The following DAPK2 variants were observed in gnomAD, a reference collection of about 807,000 sequenced individuals.
The protein encoded by DAPK2 is death associated protein kinase 2.
Under a neutral mutation model 44.1 loss-of-function variants are expected in DAPK2, and 35 were observed. That is an observed-to-expected ratio of 0.79 (90% CI 0.61 to 1.05). The LOEUF is 1.05. Among genes scored for constraint, DAPK2 ranks in the 50% least tolerant of loss-of-function variants. The pLI, the probability that DAPK2 is intolerant of heterozygous loss-of-function variation, is 0.00. For missense variants in DAPK2, 453 were observed against 483.2 expected, an observed-to-expected ratio of 0.94 and a Z score of 0.59; for synonymous variants, 174 against 182.6, an observed-to-expected ratio of 0.95 and a Z score of 0.38.
intron 4 of DAPK2, among the ~76,000 whole-genome samples, chr15:63,937,766 C>G (rs1472199748): frequency 6.6e-6 from 1 of 152,176 alleles, no homozygotes; most frequent in Non-Finnish European, 1.5e-5. Context: ...CCTTATTGCT[C>G]TCAGTTTCTA....
At chr15:63,943,133 A>G (rs1595767382) in intron 3 of DAPK2, among the ~76,000 whole-genome samples, 1 of 152,044 alleles carries the variant, frequency 6.6e-6, no homozygotes, top group South Asian at 2.1e-4. Flanking sequence ...AAAAGAAGAA[A>G]CCAAGACTAG....
chr15:64,022,748 G>C (rs894921488), intron 1 of DAPK2, among the ~76,000 whole-genome samples: 4 of 152,176 alleles, frequency 2.6e-5, no homozygotes, highest in African/African-American at 9.7e-5. Flanking sequence ...GCGCCCAGGA[G>C]GCAGAGGTTG....
At chr15:63,922,138 G>T in intron 8 of DAPK2, 2 of 248,932 alleles carry the variant, frequency 8.0e-6, no homozygotes, top group Non-Finnish European at 1.3e-5. Flanking sequence ...TCAGTTACAT[G>T]TAAATAATAA....
intron 1 of DAPK2, among the ~76,000 whole-genome samples, chr15:64,019,108 C>A (rs1175827492): frequency 6.6e-6 from 1 of 152,202 alleles, no homozygotes; most frequent in East Asian, 1.9e-4. Flanking sequence ...CCCAACATTC[C>A]AAATCCTGAA....
intron 5 of DAPK2, 142 bp downstream of exon 6, chr15:63,930,265 T>C: frequency 2.3e-6 from 2 of 855,944 alleles, no homozygotes; most frequent in Admixed American, 2.0e-5. Context: ...GTCTAACACA[T>C]CGGGGGAGCA....
chr15:64,034,768 C>T (rs1465479747), intron 1 of DAPK2, among the ~76,000 whole-genome samples: 1 of 152,228 alleles, frequency 6.6e-6, no homozygotes, highest in Non-Finnish European at 1.5e-5. Context: ...CCTCCCCTCT[C>T]TGGGCCTCAC....
Position 63,939,386 on chromosome 15 carries a change from A to G in DAPK2, c.454-25T>C. ...GCTGGACAACAAAAAGTAGAAAAAA[A>G]AAAAAGGAAGGAAGAAAAGAAAAAA... On this transcript the variant is annotated intron_variant, in intron 3 of 10. Transcript: ENST00000261891. The surrounding 1 kb of genome is among the most constrained non-coding windows in gnomAD (Gnocchi z 4.3). The G allele has an allele frequency of 6.4e-7, 1 of 1,566,390 alleles. No individual in the cohort carries two copies.
chr15:63,939,190 T>G lies in DAPK2; in HGVS notation c.583+42A>C, dbSNP rs756661231. On this transcript the variant is annotated intron_variant, in intron 4 of 10. Coordinates refer to ENST00000261891, the Ensembl canonical transcript of DAPK2. The surrounding 1 kb of genome is among the most constrained non-coding windows in gnomAD (Gnocchi z 4.3). ...TTCTTCCCAGGATCCCTACCTTTGA[T>G]GCCAGATTCTTAGCTGAAAGACAAA... is the stretch of plus-strand genomic sequence containing the variant. The G allele has an allele frequency of 6.2e-7, 1 of 1,609,558 alleles. No homozygotes were observed. Among genetic ancestry groups the G allele is most frequent in the South Asian group, 1.1e-5 (1 of 90,808 alleles).
intron 3 of DAPK2, among the ~76,000 whole-genome samples, chr15:63,964,928 T>G (rs1459793114): frequency 6.6e-6 from 1 of 152,238 alleles, no homozygotes; most frequent in Non-Finnish European, 1.5e-5. Context: ...CATGTCTCTG[T>G]CTCTCCAGGA....
intron 10 of DAPK2, chr15:63,911,562 T>C: frequency 3.3e-6 from 1 of 305,328 alleles, no homozygotes; most frequent in East Asian, 6.1e-5. Context: ...AATGTAAAGC[T>C]CCCATTCTAA....
chr15:63,960,920 T>C (rs1280092253), intron 3 of DAPK2, among the ~76,000 whole-genome samples: 1 of 152,212 alleles, frequency 6.6e-6, no homozygotes, highest in Non-Finnish European at 1.5e-5. Flanking sequence ...TTCTGTCTTG[T>C]TGATCTGTCT....
intron 1 of DAPK2, among the ~76,000 whole-genome samples, chr15:64,012,903 C>A (rs1264378870): frequency 6.6e-6 from 1 of 152,138 alleles, no homozygotes; most frequent in Non-Finnish European, 1.5e-5. Flanking sequence ...CTATCTGGGG[C>A]ACTGCATAGC....
chr15:64,016,854 A>AGGAG (rs2079544235), intron 1 of DAPK2, among the ~76,000 whole-genome samples: 1 of 112,552 alleles, frequency 8.9e-6, no homozygotes, highest in African/African-American at 3.7e-5. Context: ...GAAGGAAGGA[A>AGGAG]GGAAGGAAGG....
exon 10 of DAPK2, chr15:63,911,970 G>A: frequency 6.2e-7 from 1 of 1,614,016 alleles, no homozygotes; most frequent in Non-Finnish European, 8.5e-7. Flanking sequence ...TGGTTGCACA[G>A]GGACACGATG....
rs190879674 is a variant in DAPK2, at chr15:64,033,032, G to T, written c.92+7138C>A. ...ACCCAGGAGGTGGAGGTTGCAGTGAGCCAAGATAGCACCACTGCACTCCAG... is the reference window on the plus strand; with the variant it reads ...ACCCAGGAGGTGGAGGTTGCAGTGATCCAAGATAGCACCACTGCACTCCAG... On this transcript the variant is annotated intron_variant, in intron 1 of 10. Transcript: ENST00000261891. 2.6e-5 allele frequency among the ~76,000 whole-genome samples: 4 copies of T among 152,274 alleles called. No homozygotes were observed. In the East Asian group the frequency reaches 7.7e-4, roughly 29 times the overall value.
intron 3 of DAPK2, among the ~76,000 whole-genome samples, chr15:63,946,863 C>T (rs542576403): frequency 3.9e-4 from 59 of 152,246 alleles, no homozygotes; most frequent in South Asian, 2.7e-3. Flanking sequence ...CAAGCACAGC[C>T]CCAGATTATT....
At chr15:64,036,466 T>C (rs1284823146) in intron 1 of DAPK2, among the ~76,000 whole-genome samples, 1 of 150,944 alleles carries the variant, frequency 6.6e-6, no homozygotes, top group Non-Finnish European at 1.5e-5. Flanking sequence ...AGAAACAGAA[T>C]ACAGCACCCC....
chr15:63,921,812 C>T (rs1024935520), intron 8 of DAPK2: 1 of 152,206 alleles, frequency 6.6e-6, no homozygotes, highest in Non-Finnish European at 1.5e-5. Context: ...GGGAAGACTC[C>T]TTCCTTCCTT....
chr15:64,023,879 G>A (rs533396588), intron 1 of DAPK2, among the ~76,000 whole-genome samples: 9 of 152,334 alleles, frequency 5.9e-5, no homozygotes, highest in African/African-American at 1.9e-4. Flanking sequence ...CATCGTGCGG[G>A]GGTCAGAGAT....
Sources: gnomAD v4.1 joint callset for allele counts (sites outside exome capture counted in the v4.1 genomes callset) on GRCh38, gnomAD v4.1.1 for gene constraint, Gnocchi (gnomAD v3.1) non-coding constraint, MANE v1.5 for transcripts, NCBI Gene and HGNC (gene_info 2026-07-23, HGNC 2026-07-21) for gene names.